The following PDHX variants were observed in gnomAD, a reference collection of about 807,000 sequenced individuals.
PDHX encodes pyruvate dehydrogenase protein X component, mitochondrial.
PDHX carries 33 observed loss-of-function variants against 55.3 expected under a neutral mutation model. The observed-to-expected ratio is 0.60, with a 90% confidence interval of 0.45 to 0.80. The LOEUF (loss-of-function observed/expected upper bound fraction) is 0.80, where lower values mean the gene tolerates loss of function less well. Ranked by LOEUF, PDHX falls within the 30% of genes least tolerant of loss-of-function variation. The pLI, the probability that PDHX is intolerant of heterozygous loss-of-function variation, is 0.00. For missense variants in PDHX, 622 were observed against 619.9 expected (o/e 1.00, Z -0.04); for synonymous variants, 226 against 219.4 (o/e 1.03, Z -0.27).
At chr11:34,993,151 G>A (rs796487247) in intron 10 of PDHX, among the ~76,000 whole-genome samples, 27 of 151,994 alleles carry the variant, frequency 1.8e-4, no homozygotes, top group African/African-American at 6.5e-4. Context: ...ACTGCAATCT[G>A]GTGTCCATTT....
intron 4 of PDHX, among the ~76,000 whole-genome samples, chr11:34,958,210 G>C (rs1054163124): frequency 4.6e-5 from 7 of 151,998 alleles, no homozygotes; most frequent in Non-Finnish European, 8.8e-5. Flanking sequence ...ACGAGAAAAA[G>C]ATCTTCATAA....
intron 1 of PDHX, among the ~76,000 whole-genome samples, chr11:34,920,626 T>G (rs913411103): frequency 6.6e-6 from 1 of 152,204 alleles, no homozygotes; most frequent in Non-Finnish European, 1.5e-5. Context: ...TAACACTGAG[T>G]AATGATTGTT....
intron 4 of PDHX, among the ~76,000 whole-genome samples, chr11:34,957,998 A>G (rs1298759559): frequency 6.6e-6 from 1 of 152,200 alleles, no homozygotes; most frequent in Non-Finnish European, 1.5e-5. Context: ...ATGTTTTAAC[A>G]TGCATTCGTT....
chr11:34,925,913 G>T (rs555013322), intron 1 of PDHX, among the ~76,000 whole-genome samples: 1 of 152,260 alleles, frequency 6.6e-6, no homozygotes, highest in Non-Finnish European at 1.5e-5. Context: ...TCCAAAATCT[G>T]AAAAAATCTG....
chr11:34,977,275 A>C (rs932561925), intron 7 of PDHX, among the ~76,000 whole-genome samples: 1 of 152,140 alleles, frequency 6.6e-6, no homozygotes, highest in Non-Finnish European at 1.5e-5. Context: ...TTTTTCTATA[A>C]GCTCTTGCAA....
intron 2 of PDHX, among the ~76,000 whole-genome samples, chr11:34,939,368 A>G (rs147583444): frequency 6.6e-6 from 1 of 152,348 alleles, no homozygotes; most frequent in Non-Finnish European, 1.5e-5. Flanking sequence ...AGCGAAGACT[A>G]GATAAGTATT....
chr11:34,945,334 T>C (rs1472524283), intron 2 of PDHX, among the ~76,000 whole-genome samples: 1 of 152,218 alleles, frequency 6.6e-6, no homozygotes, highest in Non-Finnish European at 1.5e-5. Context: ...TCACAATAAC[T>C]TGTTTCTTAT....
chr11:34,919,957 T>C (rs1431421915), intron 1 of PDHX, among the ~76,000 whole-genome samples: 3 of 152,184 alleles, frequency 2.0e-5, no homozygotes, highest in Non-Finnish European at 4.4e-5. Context: ...GTAGTCTCTT[T>C]GGGGACATAA....
chr11:34,962,063 G>T (rs1170661875), intron 5 of PDHX, among the ~76,000 whole-genome samples: 1 of 152,182 alleles, frequency 6.6e-6, no homozygotes. Context: ...AAGTAGATTT[G>T]CCTTGCTCAT....
intron 2 of PDHX, among the ~76,000 whole-genome samples, chr11:34,937,137 A>G (rs566828369): frequency 6.6e-6 from 1 of 152,132 alleles, no homozygotes; most frequent in Non-Finnish European, 1.5e-5. Flanking sequence ...TTGCGTTGAA[A>G]GGAACAGACC....
intron 8 of PDHX, among the ~76,000 whole-genome samples, chr11:34,982,950 G>A (rs1421136821): frequency 6.6e-6 from 1 of 152,086 alleles, no homozygotes; most frequent in Non-Finnish European, 1.5e-5. Flanking sequence ...TGATACCAAA[G>A]CCGGGCAGAG....
intron 10 of PDHX, among the ~76,000 whole-genome samples, chr11:34,993,372 C>G (rs1463795667): frequency 4.0e-5 from 6 of 151,794 alleles, no homozygotes; most frequent in Admixed American, 3.9e-4. Context: ...GAATTTTTGC[C>G]TATCTCAGAG....
intron 7 of PDHX, among the ~76,000 whole-genome samples, chr11:34,971,393 G>T (rs981489322): frequency 2.0e-5 from 3 of 152,110 alleles, no homozygotes; most frequent in Middle Eastern, 3.4e-3. Context: ...TCTTGATTTT[G>T]GGGGAAAAGC....
intron 5 of PDHX, among the ~76,000 whole-genome samples, chr11:34,964,507 G>A (rs533641996): frequency 6.6e-6 from 1 of 152,232 alleles, no homozygotes; most frequent in South Asian, 2.1e-4. Context: ...AAGAGGCTGA[G>A]GCATGAGAAT....
chr11:34,995,667 G>T lies in PDHX; in HGVS notation c.*495G>T, dbSNP rs1855844894. 1.1e-5 allele frequency: 2 copies of T among 180,574 alleles called. No individual in the cohort carries two copies. Among genetic ancestry groups the T allele is most frequent in the Non-Finnish European group, 1.2e-5 (1 of 84,968 alleles). The allele number at this position is 180,574 out of a possible 1,614,324, so 11.2% of individuals were successfully genotyped here. ...CTTGAAGAATTTAATAGGTACAGAAGTTTATTCTGGATAATAAATAAATAA... is the reference window on the plus strand; with the variant it reads ...CTTGAAGAATTTAATAGGTACAGAATTTTATTCTGGATAATAAATAAATAA... On this transcript the variant is annotated 3_prime_UTR_variant, in exon 11 of 11. Coordinates refer to ENST00000227868, the MANE Select transcript of PDHX (RefSeq NM_003477.3).
intron 3 of PDHX, among the ~76,000 whole-genome samples, chr11:34,950,735 A>G (rs1590746186): frequency 6.7e-6 from 1 of 150,186 alleles, no homozygotes; most frequent in East Asian, 2.0e-4. Context: ...ATAGTATTCC[A>G]TGGTGTATAT....
intron 1 of PDHX, among the ~76,000 whole-genome samples, chr11:34,925,265 C>G (rs1275846907): frequency 1.4e-4 from 22 of 152,180 alleles, no homozygotes. Flanking sequence ...GCAGAGAAAA[C>G]AAGCTTCAGT....
chr11:34,959,615 A>C lies in PDHX; in HGVS notation c.543-805A>C, dbSNP rs1426268757. 5.9e-5 allele frequency among the ~76,000 whole-genome samples: 9 copies of C among 151,986 alleles called. No individual in the cohort carries two copies. In the East Asian group the frequency reaches 1.7e-3, roughly 29 times the overall value. The stretch of plus-strand genomic sequence containing the variant: ...TATATATGCAAAATAACTGAAAGCA[A>C]AGACTGGAAAGAGATATTTGTACAT... On this transcript the variant is annotated intron_variant, in intron 4 of 10. Transcript: ENST00000227868.
intron 3 of PDHX, among the ~76,000 whole-genome samples, chr11:34,954,861 G>C (rs920740890): frequency 1.3e-5 from 2 of 152,092 alleles, no homozygotes; most frequent in African/African-American, 4.8e-5. Context: ...TTACAGCTCA[G>C]AAAACAAGCA....
Sources: gnomAD v4.1 joint callset for allele counts (sites outside exome capture counted in the v4.1 genomes callset) on GRCh38, gnomAD v4.1.1 for gene constraint, MANE v1.5 for transcripts, NCBI Gene and HGNC (gene_info 2026-07-23, HGNC 2026-07-21) for gene names.